Variants in TPTE observed in about 807,000 individuals in gnomAD.
TPTE encodes transmembrane phosphatase with tensin homology.
Under a neutral mutation model 84.1 loss-of-function variants are expected in TPTE, and 59 were observed. The ratio of observed to expected loss-of-function variants is 0.70; its 90% confidence interval spans 0.57 to 0.87. TPTE has a LOEUF of 0.87. TPTE is among the 40% of genes least tolerant of loss of function. The pLI is 0.00. For synonymous variants in TPTE, 130 were observed against 223.5 expected (o/e 0.58, Z 3.73); for missense variants, 382 against 659.6 (o/e 0.58, Z 4.61).
chr21:10,605,614 C>G lies in TPTE; in HGVS notation c.*62C>G. ...GTTCTTTCCAACCCTGCCACATGTT[C>G]ATATATCCTAAATCTATCCTAAATG... On this transcript the variant is annotated 3_prime_UTR_variant, in exon 24 of 24. Transcript: ENST00000618007. 11 of 1,612,350 alleles carry G rather than the reference C, an allele frequency of 6.8e-6. No homozygotes were observed. Among genetic ancestry groups the G allele is most frequent in the Non-Finnish European group, 9.3e-6 (11 of 1,179,312 alleles).
chr21:10,585,166 G>A (rs2075340258), intron 17 of TPTE, among the ~76,000 whole-genome samples: 1 of 152,256 alleles, frequency 6.6e-6, no homozygotes, highest in South Asian at 2.1e-4. Context: ...GGAGGCAGAG[G>A]TTCCAGTGAG....
At chr21:10,563,361 C>T (rs210531) in intron 10 of TPTE, among the ~76,000 whole-genome samples, 27,941 of 137,396 alleles carry the variant, frequency 0.2, 62 homozygotes, top group African/African-American at 0.47. Context: ...TGCAGAATGT[C>T]ATAACACTGT....
chr21:10,572,161 G>GA (rs1217953295), intron 14 of TPTE, among the ~76,000 whole-genome samples: 1 of 152,286 alleles, frequency 6.6e-6, no homozygotes, highest in Non-Finnish European at 1.5e-5. Context: ...CAAAAAGAGG[G>GA]AATATTCATC....
intron 21 of TPTE, among the ~76,000 whole-genome samples, chr21:10,601,656 C>G (rs1214881239): frequency 6.6e-6 from 1 of 152,304 alleles, no homozygotes; most frequent in Non-Finnish European, 1.5e-5. Flanking sequence ...AGTTTGAGAC[C>G]AGCCTGCCTA....
chr21:10,585,404 T>C (rs1291439681), intron 17 of TPTE, among the ~76,000 whole-genome samples: 1 of 152,306 alleles, frequency 6.6e-6, no homozygotes, highest in Non-Finnish European at 1.5e-5. Flanking sequence ...TTAATTGCAT[T>C]GATTAAGTGG....
At chr21:10,540,808 C>G in intron 4 of TPTE, 1 of 541,850 alleles carries the variant, frequency 1.8e-6, no homozygotes. Context: ...AGAAGGGAGA[C>G]TCAGGAACTA....
At chr21:10,593,242 G>C (rs900599572) in intron 19 of TPTE, among the ~76,000 whole-genome samples, 1 of 152,310 alleles carries the variant, frequency 6.6e-6, no homozygotes, top group Non-Finnish European at 1.5e-5. Flanking sequence ...CAGCATTTTA[G>C]TATGACATTT....
At chr21:10,574,854 T>C (rs528388813) in intron 14 of TPTE, among the ~76,000 whole-genome samples, 2 of 152,426 alleles carry the variant, frequency 1.3e-5, no homozygotes, top group East Asian at 1.9e-4. Context: ...CAGACCTGTA[T>C]GGAGTCTGGG....
chr21:10,551,829 G>A (rs564085101), intron 7 of TPTE, among the ~76,000 whole-genome samples: 1 of 152,428 alleles, frequency 6.6e-6, no homozygotes, highest in Non-Finnish European at 1.5e-5. Context: ...CAAAATCCTT[G>A]ACCCATACGA....
intron 17 of TPTE, among the ~76,000 whole-genome samples, chr21:10,583,878 T>C (rs868398780): frequency 9.8e-3 from 1,463 of 149,828 alleles, no homozygotes; most frequent in African/African-American, 0.035. Context: ...ATTTTTCATC[T>C]GTGTGCCAAT....
chr21:10,558,528 GT>G (rs545367913), intron 8 of TPTE, among the ~76,000 whole-genome samples: 220 of 152,308 alleles, frequency 1.4e-3, no homozygotes, highest in African/African-American at 4.9e-3. Context: ...TCATATGTTT[GT>G]TGGCCACATG....
chr21:10,584,336 AC>A (rs2075323267), intron 17 of TPTE, among the ~76,000 whole-genome samples: 1 of 145,060 alleles, frequency 6.9e-6, no homozygotes, highest in African/African-American at 2.5e-5. Flanking sequence ...TCCTAAACTC[AC>A]TTTTTTTTTT....
intron 14 of TPTE, among the ~76,000 whole-genome samples, chr21:10,572,949 A>G (rs569068321): frequency 7.6e-4 from 115 of 152,286 alleles, no homozygotes; most frequent in African/African-American, 2.6e-3. Flanking sequence ...ACAACCAGAA[A>G]AAAATGAACA....
At chr21:10,546,718 C>G (rs1455238846) in intron 7 of TPTE, among the ~76,000 whole-genome samples, 2 of 152,310 alleles carry the variant, frequency 1.3e-5, no homozygotes, top group Non-Finnish European at 2.9e-5. Context: ...CCACAGCATT[C>G]CCTTAAGCCA....
At chr21:10,600,277 T>TTGTA (rs1429731426) in intron 21 of TPTE, among the ~76,000 whole-genome samples, 295 of 151,842 alleles carry the variant, frequency 1.9e-3, no homozygotes, top group African/African-American at 6.5e-3. Flanking sequence ...GTAGCTGGGA[T>TTGTA]TACAGGCATG....
intron 20 of TPTE, among the ~76,000 whole-genome samples, chr21:10,597,412 C>CTTTTTTT (rs146272836): frequency 2.4e-3 from 327 of 139,096 alleles, no homozygotes; most frequent in Non-Finnish European, 3.2e-3. Flanking sequence ...TTTCTTTTTT[C>CTTTTTTT]TTTTTTTTTT....
chr21:10,533,319 A>G (rs2074210877), intron 3 of TPTE, among the ~76,000 whole-genome samples: 1 of 152,308 alleles, frequency 6.6e-6, no homozygotes, highest in African/African-American at 2.4e-5. Context: ...TCCCATTCTC[A>G]TTTCATGTTT....
chr21:10,557,803 G>A (rs202090308), intron 8 of TPTE, among the ~76,000 whole-genome samples: 1 of 152,302 alleles, frequency 6.6e-6, no homozygotes, highest in African/African-American at 2.4e-5. Context: ...AGGTAAACTT[G>A]TGTCAGGGAG....
intron 10 of TPTE, among the ~76,000 whole-genome samples, chr21:10,563,137 C>G (rs2074842671): frequency 6.6e-6 from 1 of 152,310 alleles, no homozygotes; most frequent in Non-Finnish European, 1.5e-5. Context: ...AAAACATTTA[C>G]CCTAGAACAG....
Sources: gnomAD v4.1 joint callset for allele counts (sites outside exome capture counted in the v4.1 genomes callset) on GRCh38, gnomAD v4.1.1 for gene constraint, MANE v1.5 for transcripts, NCBI Gene and HGNC (gene_info 2026-07-23, HGNC 2026-07-21) for gene names.